The following R3HDM2 variants were observed in gnomAD, a reference collection of about 807,000 sequenced individuals.
R3HDM2 encodes the protein R3H domain-containing protein 2.
A neutral mutation model predicts 124.5 loss-of-function variants in R3HDM2; 38 were observed. That is an observed-to-expected ratio of 0.31 (90% CI 0.24 to 0.40). The LOEUF (loss-of-function observed/expected upper bound fraction) is 0.40, where lower values mean the gene tolerates loss of function less well. R3HDM2 is among the 10% of genes least tolerant of loss of function. The pLI, the probability that R3HDM2 is intolerant of heterozygous loss-of-function variation, is 1.00. For synonymous variants in R3HDM2, 391 were observed against 448.0 expected, an observed-to-expected ratio of 0.87 and a Z score of 1.61; for missense variants, 869 against 1,236.9, an observed-to-expected ratio of 0.70 and a Z score of 4.46.
rs1370919344 is a variant in R3HDM2 at position 57,305,673 on chromosome 12, AAGAC to A, written c.166-2460_166-2457del. On this transcript the variant is annotated intron_variant, in intron 3 of 23. Coordinates refer to ENST00000402412, the MANE Select transcript of R3HDM2 (RefSeq NM_001394031.1). ...AAAGGAACTCATAATCCTGTTGGAGAAGACAGACAGACAATTACAATACAGTACA... is the reference window on the plus strand; with the variant it reads ...AAAGGAACTCATAATCCTGTTGGAGAAGACAGACAATTACAATACAGTACA... 9.3e-5 allele frequency: 37 copies of A among 398,894 alleles called. 1 individual carries two copies. The highest frequency in any genetic ancestry group is 9.3e-4 in the East Asian group (26 of 28,076). The allele number at this position is 398,894 out of a possible 1,614,324, so 24.7% of individuals were successfully genotyped here.
At chr12:57,407,296 A>G (rs1315121745) in intron 1 of R3HDM2, among the ~76,000 whole-genome samples, 1 of 151,988 alleles carries the variant, frequency 6.6e-6, no homozygotes, top group Non-Finnish European at 1.5e-5. Flanking sequence ...GCACTGACCA[A>G]CTATAACAGA....
At chr12:57,310,164 T>C (rs2053607929) in intron 3 of R3HDM2, 100 bp downstream of exon 3, 6 of 815,842 alleles carry the variant, frequency 7.4e-6, no homozygotes, top group Non-Finnish European at 1.1e-5. Context: ...GGGCCCTAAT[T>C]GTGCCACTGC....
chr12:57,320,593 G>A (rs1005361539), intron 2 of R3HDM2, among the ~76,000 whole-genome samples: 1 of 152,088 alleles, frequency 6.6e-6, no homozygotes, highest in African/African-American at 2.4e-5. Context: ...CTGCACAGAG[G>A]GGACTGTGAG....
chr12:57,265,875 C>G (rs2042252423), intron 19 of R3HDM2, among the ~76,000 whole-genome samples: 1 of 151,714 alleles, frequency 6.6e-6, no homozygotes, highest in Admixed American at 6.6e-5. Flanking sequence ...CGGCTCACTG[C>G]AAGCTCCGTC....
At chr12:57,375,954 G>T (rs2064008880) in intron 2 of R3HDM2, among the ~76,000 whole-genome samples, 1 of 152,074 alleles carries the variant, frequency 6.6e-6, no homozygotes, top group Non-Finnish European at 1.5e-5. Flanking sequence ...TTACAGGCGT[G>T]AGCCACCATG....
At chr12:57,326,913 A>AACCT (rs1283583227) in intron 2 of R3HDM2, among the ~76,000 whole-genome samples, 8 of 152,142 alleles carry the variant, frequency 5.3e-5, no homozygotes, top group African/African-American at 1.9e-4. Flanking sequence ...AGAACAAAGA[A>AACCT]ACCTGGATGA....
chr12:57,391,328 G>A (rs567325093), intron 2 of R3HDM2, among the ~76,000 whole-genome samples: 118 of 152,244 alleles, frequency 7.8e-4, no homozygotes, highest in African/African-American at 2.7e-3. Context: ...TGGGGCAGGG[G>A]TTGGGGTAAG....
rs1403583115 is a variant in R3HDM2 at position 57,430,783 on chromosome 12, TCGGCTGCGGCTCGGCCCCGACGGC to T, written c.-193_-170del. 1.3e-5 allele frequency: 2 copies of T among 157,750 alleles called. No individual in the cohort carries two copies. The highest frequency in any genetic ancestry group is 4.9e-5 in the African/African-American group (2 of 40,708). 9.8% of individuals were successfully genotyped at this position (157,750 alleles called of 1,614,324 possible). On this transcript the variant is annotated 5_prime_UTR_variant, in exon 1 of 24. Transcript: ENST00000402412. ...GCCCGCCGCCCGGGCCCACGGCCGC[TCGGCTGCGGCTCGGCCCCGACGGC>T]CGGCGGCGGCGCGCTTCTGGGGGCG...
At chr12:57,345,218 AT>A (rs1398396423) in intron 2 of R3HDM2, among the ~76,000 whole-genome samples, 1 of 152,172 alleles carries the variant, frequency 6.6e-6, no homozygotes, top group African/African-American at 2.4e-5. Flanking sequence ...TATTCAGGAC[AT>A]TAGAGTCCCA....
In R3HDM2 at chr12:57,254,001, G is replaced by A. The variant is rs977973148; in HGVS notation, c.*772C>T. Reference sequence around the variant, plus strand: ...GTTTTAACTCTGTGGGGTCTAGGAAGACAAGATGGGGAAGTGAGAGAATGG... The same window carrying A: ...GTTTTAACTCTGTGGGGTCTAGGAAAACAAGATGGGGAAGTGAGAGAATGG... On this transcript the variant is annotated 3_prime_UTR_variant, in exon 24 of 24. Coordinates refer to ENST00000402412, the MANE Select transcript of R3HDM2 (RefSeq NM_001394031.1). 3 of 394,296 alleles carry A rather than the reference G, an allele frequency of 7.6e-6. No homozygotes were observed. Among genetic ancestry groups the A allele is most frequent in the African/African-American group, 6.4e-5 (3 of 46,544 alleles). 24.4% of individuals were successfully genotyped at this position (394,296 alleles called of 1,614,324 possible).
intron 13 of R3HDM2, among the ~76,000 whole-genome samples, chr12:57,282,126 G>A (rs1410342409): frequency 1.3e-5 from 2 of 151,916 alleles, no homozygotes; most frequent in Non-Finnish European, 2.9e-5. Context: ...CCTGGCCAAC[G>A]TGGTGAAACC....
chr12:57,355,082 G>A (rs373757016), intron 2 of R3HDM2, among the ~76,000 whole-genome samples: 5 of 149,522 alleles, frequency 3.3e-5, no homozygotes, highest in South Asian at 2.3e-4. Flanking sequence ...CACCACACCC[G>A]GATCTATGAT....
chr12:57,373,278 A>C (rs1474213407), intron 2 of R3HDM2, among the ~76,000 whole-genome samples: 1 of 152,058 alleles, frequency 6.6e-6, no homozygotes, highest in Non-Finnish European at 1.5e-5. Flanking sequence ...ATGCAGGTGG[A>C]TCACGAGGTC....
intron 12 of R3HDM2, among the ~76,000 whole-genome samples, chr12:57,285,334 C>A (rs1423674647): frequency 6.6e-6 from 1 of 152,034 alleles, no homozygotes; most frequent in East Asian, 1.9e-4. Context: ...ATGCTAGGGT[C>A]CTTCTTTTAG....
At chr12:57,352,324 T>C (rs746095253) in intron 2 of R3HDM2, among the ~76,000 whole-genome samples, 1 of 146,226 alleles carries the variant, frequency 6.8e-6, no homozygotes, top group Non-Finnish European at 1.5e-5. Flanking sequence ...AGGGTATAAA[T>C]AACCCAAACA....
chr12:57,331,912 T>TA lies in R3HDM2; in HGVS notation c.-35-21450dup, dbSNP rs747566244. ...GTGGGTGACAGAGCAAGACTCTGTC[T>TA]AAAAAAAAAAAAAAATTTTTTTTTT... On this transcript the variant is annotated intron_variant, in intron 2 of 23. Transcript: ENST00000402412. 6.5e-3 allele frequency among the ~76,000 whole-genome samples: 912 copies of TA among 139,444 alleles called. 9 individuals carry two copies. The highest frequency in any genetic ancestry group is 0.021 in the African/African-American group (783 of 37,912). The allele number at this position is 139,444 out of a possible 152,430, so 91.5% of individuals were successfully genotyped here. A position where few individuals can be genotyped will look rare whatever the true frequency, so the allele number is the denominator to read the frequency against.
chr12:57,332,356 A>G (rs1285867889), intron 2 of R3HDM2, among the ~76,000 whole-genome samples: 1 of 137,338 alleles, frequency 7.3e-6, no homozygotes, highest in Non-Finnish European at 1.5e-5. Context: ...TCAAGGCTAC[A>G]GTGAGCTGTG....
At chr12:57,258,475 G>GCTGGGATTACAGGTGCCCACCATCACGC (rs2039757361) in intron 20 of R3HDM2, among the ~76,000 whole-genome samples, 1 of 151,952 alleles carries the variant, frequency 6.6e-6, no homozygotes. Flanking sequence ...CTTCTGAGTA[G>GCTGGGATTACAGGTGCCCACCATCACGC]CTGGGATTAC....
intron 2 of R3HDM2, among the ~76,000 whole-genome samples, chr12:57,316,436 TTTTA>T (rs2055032019): frequency 6.6e-6 from 1 of 151,768 alleles, no homozygotes; most frequent in Non-Finnish European, 1.5e-5. Flanking sequence ...AGGTTTCCTA[TTTTA>T]TTTAAAATTT....
Sources: allele counts gnomAD v4.1 joint callset (sites outside exome capture counted in the v4.1 genomes callset), GRCh38; gene constraint gnomAD v4.1.1; transcripts MANE v1.5; gene names NCBI Gene and HGNC (gene_info 2026-07-23, HGNC 2026-07-21).